The following CPQ variants were observed in gnomAD, a reference collection of about 807,000 sequenced individuals.
CPQ encodes carboxypeptidase Q, also known as Ser-Met dipeptidase.
CPQ carries 37 observed loss-of-function variants against 45.7 expected under a neutral mutation model. The ratio of observed to expected loss-of-function variants is 0.81; its 90% CI spans 0.62 to 1.07. The LOEUF (loss-of-function observed/expected upper bound fraction) is 1.07, where lower values mean the gene tolerates loss of function less well. CPQ is among the 50% of genes least tolerant of loss of function. The probability of loss-of-function intolerance (pLI) is 0.00; values close to 1 mark genes in which losing one functional copy is unlikely to be tolerated. For missense variants in CPQ, 537 were observed against 572.9 expected (o/e 0.94, Z 0.64); for synonymous variants, 186 against 205.8 (o/e 0.90, Z 0.82).
At chr8:96,994,644 A>G (rs1377130401) in intron 5 of CPQ, among the ~76,000 whole-genome samples, 1 of 152,000 alleles carries the variant, frequency 6.6e-6, no homozygotes, top group African/African-American at 2.4e-5. Flanking sequence ...AATGGTGTCA[A>G]ATTGCCAAAA....
intron 7 of CPQ, among the ~76,000 whole-genome samples, chr8:97,139,224 C>A (rs1812114456): frequency 6.6e-6 from 1 of 152,058 alleles, no homozygotes; most frequent in Non-Finnish European, 1.5e-5. Context: ...TTTGTATACC[C>A]CTAACAGCAT....
At chr8:96,712,431 G>A (rs1809618731) in intron 1 of CPQ, among the ~76,000 whole-genome samples, 1 of 152,156 alleles carries the variant, frequency 6.6e-6, no homozygotes, top group Admixed American at 6.5e-5. Context: ...GGTTCTCCAT[G>A]AGGGCTCCAT....
At chr8:96,970,940 A>G (rs1484662761) in intron 5 of CPQ, among the ~76,000 whole-genome samples, 1 of 152,224 alleles carries the variant, frequency 6.6e-6, no homozygotes, top group Non-Finnish European at 1.5e-5. Context: ...TCCTCAGGAT[A>G]AAAAGAGATA....
chr8:96,918,219 C>A (rs1480017437), intron 4 of CPQ, among the ~76,000 whole-genome samples: 1 of 152,092 alleles, frequency 6.6e-6, no homozygotes, highest in Non-Finnish European at 1.5e-5. Context: ...CTGTTCACAT[C>A]AATTTGTCTA....
At chr8:97,002,022 C>T (rs1217280302) in intron 5 of CPQ, among the ~76,000 whole-genome samples, 1 of 151,914 alleles carries the variant, frequency 6.6e-6, no homozygotes, top group African/African-American at 2.4e-5. Context: ...GGAATTTATT[C>T]ATTTCTTCTA....
At chr8:96,979,124 A>G (rs1032752177) in intron 5 of CPQ, among the ~76,000 whole-genome samples, 1 of 151,434 alleles carries the variant, frequency 6.6e-6, no homozygotes, top group African/African-American at 2.4e-5. Flanking sequence ...TCATAAATCT[A>G]GAGTAATGGG....
intron 2 of CPQ, among the ~76,000 whole-genome samples, chr8:96,801,360 A>C (rs566518337): frequency 6.6e-6 from 1 of 152,296 alleles, no homozygotes; most frequent in Admixed American, 6.5e-5. Context: ...TACTTACTTC[A>C]AGCATAAAGG....
intron 1 of CPQ, among the ~76,000 whole-genome samples, chr8:96,708,565 T>C (rs535230098): frequency 8.0e-4 from 121 of 152,184 alleles, no homozygotes; most frequent in Non-Finnish European, 1.3e-3. Context: ...TGATATGATA[T>C]CTGCTCCAAT....
chr8:96,690,041 C>G (rs918384050), intron 1 of CPQ, among the ~76,000 whole-genome samples: 1 of 152,078 alleles, frequency 6.6e-6, no homozygotes, highest in Non-Finnish European at 1.5e-5. Context: ...CTCTGCCAGT[C>G]CAATCATCAT....
At chr8:97,059,346 G>A (rs1031406598) in intron 6 of CPQ, among the ~76,000 whole-genome samples, 1 of 152,148 alleles carries the variant, frequency 6.6e-6, no homozygotes, top group Non-Finnish European at 1.5e-5. Context: ...GCATGTGTTA[G>A]GTTTCCCGCT....
chr8:96,884,062 A>G (rs1048519888), intron 4 of CPQ, among the ~76,000 whole-genome samples: 3 of 152,230 alleles, frequency 2.0e-5, no homozygotes, highest in Non-Finnish European at 4.4e-5. Context: ...ATTGAACCTC[A>G]TCCCTGAATG....
chr8:96,764,389 C>T (rs1412264657), intron 1 of CPQ, among the ~76,000 whole-genome samples: 3 of 152,096 alleles, frequency 2.0e-5, no homozygotes, highest in African/African-American at 4.8e-5. Context: ...AAAGGAACAC[C>T]AAGGAGCCTG....
At chr8:96,870,716 C>T (rs1256055071) in intron 3 of CPQ, among the ~76,000 whole-genome samples, 1 of 151,988 alleles carries the variant, frequency 6.6e-6, no homozygotes, top group Non-Finnish European at 1.5e-5. Context: ...CTGGCAGGCA[C>T]AGGGCAAATG....
At chr8:96,953,413 C>T (rs1472087292) in intron 4 of CPQ, among the ~76,000 whole-genome samples, 1 of 152,100 alleles carries the variant, frequency 6.6e-6, no homozygotes, top group African/African-American at 2.4e-5. Context: ...TGTGCATATG[C>T]TCTTTCTCAC....
At chr8:96,955,309 A>G (rs1400116698) in intron 4 of CPQ, among the ~76,000 whole-genome samples, 1 of 152,162 alleles carries the variant, frequency 6.6e-6, no homozygotes, top group African/African-American at 2.4e-5. Context: ...GTGAGATGGT[A>G]TCTCATTGTG....
chr8:97,132,187 G>A (rs1032829418), intron 7 of CPQ, among the ~76,000 whole-genome samples: 3 of 152,142 alleles, frequency 2.0e-5, no homozygotes, highest in Non-Finnish European at 4.4e-5. Flanking sequence ...AAACTCATCA[G>A]CTTGGCCATG....
chr8:97,135,194 C>G (rs1812029828), intron 7 of CPQ, among the ~76,000 whole-genome samples: 1 of 152,168 alleles, frequency 6.6e-6, no homozygotes, highest in Admixed American at 6.5e-5. Context: ...TTTGGAGATT[C>G]TTGGGTAGCT....
intron 5 of CPQ, among the ~76,000 whole-genome samples, chr8:96,968,801 C>T (rs1396838022): frequency 1.3e-5 from 2 of 152,172 alleles, no homozygotes; most frequent in East Asian, 3.9e-4. Flanking sequence ...CACTTTTTTG[C>T]TCAAGCCTTC....
At chr8:97,097,362 C>A (rs1219540699) in intron 7 of CPQ, among the ~76,000 whole-genome samples, 1 of 152,064 alleles carries the variant, frequency 6.6e-6, no homozygotes, top group Non-Finnish European at 1.5e-5. Flanking sequence ...TTTTGAAATG[C>A]CTGACTTGCT....
Sources: allele counts gnomAD v4.1 joint callset (sites outside exome capture counted in the v4.1 genomes callset), GRCh38; gene constraint gnomAD v4.1.1; transcripts MANE v1.5; gene names NCBI Gene and HGNC (gene_info 2026-07-23, HGNC 2026-07-21).